VDAC1: variants seen among roughly 807,000 people sequenced by gnomAD.
The protein encoded by VDAC1 is non-selective voltage-gated ion channel VDAC1.
In VDAC1, 10 loss-of-function variants were observed where a neutral mutation model predicts 34.7. The observed-to-expected ratio is 0.29, with a 90% CI of 0.18 to 0.49. The LOEUF is 0.49. Ranked by LOEUF, VDAC1 falls within the 20% of genes least tolerant of loss-of-function variation. The pLI is 0.99. For missense variants in VDAC1, 230 were observed against 347.9 expected, an observed-to-expected ratio of 0.66 and a Z score of 2.69; for synonymous variants, 130 against 136.0, an observed-to-expected ratio of 0.96 and a Z score of 0.30.
chr5:134,098,043 T>C, the VDAC1 span, among the ~76,000 whole-genome samples: 21 of 151,828 alleles, frequency 1.4e-4, no homozygotes, highest in Admixed American at 1.2e-3. Flanking sequence ...CTAATTTTTG[T>C]ATTTTTAGTA....
chr5:134,055,199 C>T, the VDAC1 span, among the ~76,000 whole-genome samples: 2 of 152,130 alleles, frequency 1.3e-5, no homozygotes, highest in African/African-American at 4.8e-5. Context: ...CCCAGGAAGC[C>T]ACAGGGGTGG....
upstream of VDAC1, among the ~76,000 whole-genome samples, chr5:134,008,245 GCC>G: frequency 6.6e-6 from 1 of 151,296 alleles, no homozygotes; most frequent in East Asian, 1.9e-4. Context: ...AATGAAGTAA[GCC>G]CATAAGAGAA....
chr5:134,093,751 A>T, the VDAC1 span, among the ~76,000 whole-genome samples: 1 of 152,206 alleles, frequency 6.6e-6, no homozygotes, highest in Non-Finnish European at 1.5e-5. Context: ...ACATGGCTCC[A>T]CCTGCACCCA....
intron 5 of VDAC1, among the ~76,000 whole-genome samples, chr5:133,989,717 CA>C (rs2126965810): frequency 6.6e-6 from 1 of 151,210 alleles, no homozygotes; most frequent in Admixed American, 6.6e-5. Flanking sequence ...GGGTGCAGTG[CA>C]ATGGCACCAC....
chr5:134,046,112 G>A, the VDAC1 span, among the ~76,000 whole-genome samples: 7 of 151,266 alleles, frequency 4.6e-5, no homozygotes, highest in Admixed American at 1.3e-4. Flanking sequence ...TGCAAGCTCC[G>A]CCTCCCGGGT....
At chr5:134,067,890 G>T in the VDAC1 span, among the ~76,000 whole-genome samples, 1 of 152,192 alleles carries the variant, frequency 6.6e-6, no homozygotes, top group Non-Finnish European at 1.5e-5. Flanking sequence ...GGCCAAGGAA[G>T]GCGGATCACT....
chr5:134,023,480 T>TAA, the VDAC1 span, among the ~76,000 whole-genome samples: 25,560 of 135,080 alleles, frequency 0.19, 2,662 homozygotes, highest in East Asian at 0.34. Context: ...GAACTTAAAG[T>TAA]AAAAAAAAAA....
At chr5:134,093,120 A>T in the VDAC1 span, among the ~76,000 whole-genome samples, 3 of 152,208 alleles carry the variant, frequency 2.0e-5, no homozygotes, top group Admixed American at 6.5e-5. Context: ...GCAAGCCTGC[A>T]TGTACTTGTG....
chr5:134,100,037 C>T, the VDAC1 span, among the ~76,000 whole-genome samples: 1 of 152,238 alleles, frequency 6.6e-6, no homozygotes, highest in Non-Finnish European at 1.5e-5. Context: ...GTGAGCCCAG[C>T]CTTATGTGGC....
the VDAC1 span, among the ~76,000 whole-genome samples, chr5:134,094,243 C>T: frequency 6.6e-6 from 1 of 152,332 alleles, no homozygotes; most frequent in African/African-American, 2.4e-5. Flanking sequence ...CAGCTCTGGG[C>T]CCTGGCCTCC....
At chr5:134,073,593 T>C in the VDAC1 span, among the ~76,000 whole-genome samples, 1 of 152,248 alleles carries the variant, frequency 6.6e-6, no homozygotes, top group Admixed American at 6.5e-5. Context: ...CACAAGGATG[T>C]TTGCTACAGT....
chr5:134,073,355 C>T, the VDAC1 span, among the ~76,000 whole-genome samples: 1 of 152,218 alleles, frequency 6.6e-6, no homozygotes, highest in Non-Finnish European at 1.5e-5. Flanking sequence ...AATGCAAATT[C>T]TCAGGCCTCA....
the VDAC1 span, among the ~76,000 whole-genome samples, chr5:134,078,138 C>T: frequency 1.3e-5 from 2 of 152,188 alleles, no homozygotes; most frequent in Admixed American, 6.5e-5. Context: ...TATGCCAGAC[C>T]GTCCTTGACT....
the VDAC1 span, among the ~76,000 whole-genome samples, chr5:134,028,983 C>A: frequency 2.0e-5 from 3 of 152,200 alleles, no homozygotes; most frequent in Non-Finnish European, 4.4e-5. Flanking sequence ...ACTCAAGCAG[C>A]CCTGGAAGAG....
At chr5:134,044,388 G>T in the VDAC1 span, among the ~76,000 whole-genome samples, 1 of 152,170 alleles carries the variant, frequency 6.6e-6, no homozygotes. Flanking sequence ...TGGGAGATCC[G>T]CCCCATCCTT....
the VDAC1 span, among the ~76,000 whole-genome samples, chr5:134,064,770 T>A: frequency 1.3e-5 from 2 of 151,400 alleles, no homozygotes; most frequent in African/African-American, 2.4e-5. Context: ...CAGGCTAGAG[T>A]ACAATGGTGT....
chr5:134,025,518 T>A, the VDAC1 span, among the ~76,000 whole-genome samples: 1 of 152,112 alleles, frequency 6.6e-6, no homozygotes, highest in South Asian at 2.1e-4. Context: ...AATGGATGAA[T>A]TGGACTTATT....
the VDAC1 span, among the ~76,000 whole-genome samples, chr5:134,059,846 T>C: frequency 6.8e-6 from 1 of 146,028 alleles, no homozygotes; most frequent in African/African-American, 2.4e-5. Flanking sequence ...TTATACATGT[T>C]TGATTGTGTG....
chr5:134,051,991 T>G, the VDAC1 span, among the ~76,000 whole-genome samples: 3 of 151,920 alleles, frequency 2.0e-5, no homozygotes, highest in South Asian at 6.3e-4. Context: ...AGCCACTGCA[T>G]AAGGCCGAAT....
Sources: gnomAD v4.1 joint callset for allele counts (sites outside exome capture counted in the v4.1 genomes callset) on GRCh38, gnomAD v4.1.1 for gene constraint, MANE v1.5 for transcripts, NCBI Gene and HGNC (gene_info 2026-07-23, HGNC 2026-07-21) for gene names.